Variants in FAM171A1 observed in about 807,000 individuals in gnomAD.
FAM171A1 encodes the protein protein FAM171A1.
In FAM171A1, 23 loss-of-function variants were observed where a neutral mutation model predicts 74.9. The ratio of observed to expected loss-of-function variants is 0.31; its 90% CI spans 0.22 to 0.44. The LOEUF is 0.44. Among genes scored for constraint, FAM171A1 ranks in the 20% least tolerant of loss-of-function variants. The pLI is 1.00. For synonymous variants in FAM171A1, 527 were observed against 505.7 expected, an observed-to-expected ratio of 1.04 and a Z score of -0.57; for missense variants, 1,162 against 1,159.2, an observed-to-expected ratio of 1.00 and a Z score of -0.03.
intron 5 of FAM171A1, among the ~76,000 whole-genome samples, chr10:15,222,548 C>T (rs1245038929): frequency 2.0e-5 from 3 of 152,226 alleles, no homozygotes; most frequent in African/African-American, 7.2e-5. Flanking sequence ...TGTAGTTCAT[C>T]GTTGACCCAA....
intron 3 of FAM171A1, among the ~76,000 whole-genome samples, chr10:15,263,720 A>T (rs371404981): frequency 2.1e-5 from 3 of 140,462 alleles, no homozygotes; most frequent in Admixed American, 7.3e-5. Flanking sequence ...CTATCCTATC[A>T]ATCTATCTAT....
intron 5 of FAM171A1, among the ~76,000 whole-genome samples, chr10:15,232,886 G>T (rs2131734481): frequency 6.6e-6 from 1 of 152,346 alleles, no homozygotes; most frequent in East Asian, 1.9e-4. Context: ...TTCTGATAAA[G>T]ACGGGAGTCC....
chr10:15,214,576 G>A lies in FAM171A1; in HGVS notation c.1012C>T (p.His338Tyr), dbSNP rs371311375. ...GCAGGGAGCTGCAGTTTTCTGTGGTGCTGACGAGGTTTCAAGCACTTCCTC... is the reference window on the plus strand; with the variant it reads ...GCAGGGAGCTGCAGTTTTCTGTGGTACTGACGAGGTTTCAAGCACTTCCTC... ...CRRKCLKPRQ[H>Y]HRKLQLPAGL... is the part of the protein sequence containing the mutation. The change falls in exon 8 of 8, where the codon CAC (histidine) becomes TAC (tyrosine). Residue 338 changes from histidine to tyrosine, a missense_variant. His to Tyr is a moderately conservative substitution (Grantham distance 83, BLOSUM62 2). Transcript: ENST00000378116. The A allele has an allele frequency of 3.4e-5, 55 of 1,603,540 alleles. No individual in the cohort carries two copies. The highest frequency in any genetic ancestry group is 4.5e-5 in the Non-Finnish European group (53 of 1,174,190).
intron 3 of FAM171A1, among the ~76,000 whole-genome samples, chr10:15,266,205 C>T (rs1405356667): frequency 6.6e-6 from 1 of 152,184 alleles, no homozygotes; most frequent in African/African-American, 2.4e-5. Context: ...ACCATTCAGC[C>T]GCTATTCTCA....
intron 3 of FAM171A1, among the ~76,000 whole-genome samples, chr10:15,268,893 T>TC (rs2131789279): frequency 6.6e-6 from 1 of 152,112 alleles, no homozygotes; most frequent in South Asian, 2.1e-4. Context: ...AATACAAAAA[T>TC]CAGCCAGGTG....
chr10:15,365,079 A>C (rs1334530612), intron 1 of FAM171A1, among the ~76,000 whole-genome samples: 1 of 152,190 alleles, frequency 6.6e-6, no homozygotes, highest in Non-Finnish European at 1.5e-5. Context: ...GCATGGCCAG[A>C]GAGCACAATT....
At chr10:15,233,964 T>G (rs1238991810) in intron 5 of FAM171A1, among the ~76,000 whole-genome samples, 1 of 151,780 alleles carries the variant, frequency 6.6e-6, no homozygotes, top group Non-Finnish European at 1.5e-5. Context: ...TACTAGGTGC[T>G]TTACGTAAAT....
At chr10:15,312,466 C>T (rs1835370919) in intron 1 of FAM171A1, among the ~76,000 whole-genome samples, 1 of 151,162 alleles carries the variant, frequency 6.6e-6, no homozygotes, top group Non-Finnish European at 1.5e-5. Context: ...TGGTTAAAGC[C>T]AGTGGGGCAA....
At chr10:15,229,426 A>C (rs1305683581) in intron 5 of FAM171A1, among the ~76,000 whole-genome samples, 1 of 151,552 alleles carries the variant, frequency 6.6e-6, no homozygotes, top group African/African-American at 2.4e-5. Flanking sequence ...CATCGTCATC[A>C]CCACCATCAT....
intron 1 of FAM171A1, among the ~76,000 whole-genome samples, chr10:15,304,544 G>A (rs575210270): frequency 2.6e-5 from 4 of 152,156 alleles, no homozygotes; most frequent in East Asian, 3.9e-4. Context: ...TGCTGCGGCC[G>A]CATACCCTGC....
intron 5 of FAM171A1, among the ~76,000 whole-genome samples, chr10:15,243,274 C>T (rs1486749022): frequency 2.0e-5 from 3 of 152,152 alleles, no homozygotes; most frequent in Non-Finnish European, 4.4e-5. Context: ...GCATCCTGCT[C>T]ATAAGGGCCC....
At chr10:15,219,485 T>G (rs562944670) in intron 6 of FAM171A1, among the ~76,000 whole-genome samples, 109 of 152,358 alleles carry the variant, frequency 7.2e-4, no homozygotes, top group African/African-American at 2.5e-3. Context: ...TCTTCAGTCA[T>G]AATCTAGGTA....
At chr10:15,351,180 T>A (rs1292366799) in intron 1 of FAM171A1, among the ~76,000 whole-genome samples, 3 of 152,222 alleles carry the variant, frequency 2.0e-5, no homozygotes, top group African/African-American at 4.8e-5. Context: ...TTTGCTCAGA[T>A]CAGAAGAATG....
chr10:15,297,972 C>A (rs540884329), intron 1 of FAM171A1, among the ~76,000 whole-genome samples: 2 of 152,284 alleles, frequency 1.3e-5, no homozygotes, highest in Admixed American at 6.5e-5. Context: ...GCTGGACTTA[C>A]CTGCTCCAAC....
At chr10:15,338,487 A>T (rs904669293) in intron 1 of FAM171A1, among the ~76,000 whole-genome samples, 5 of 152,176 alleles carry the variant, frequency 3.3e-5, no homozygotes, top group Non-Finnish European at 5.9e-5. Context: ...CCTGTATTTT[A>T]CTTAATGCTG....
chr10:15,374,535 C>T (rs1836181773), upstream of FAM171A1, among the ~76,000 whole-genome samples: 1 of 152,212 alleles, frequency 6.6e-6, no homozygotes, highest in Admixed American at 6.5e-5. Flanking sequence ...TCATGATCAT[C>T]AGACACCCAC....
chr10:15,282,636 C>T (rs1214883141), intron 2 of FAM171A1, among the ~76,000 whole-genome samples: 1 of 152,178 alleles, frequency 6.6e-6, no homozygotes, highest in African/African-American at 2.4e-5. Context: ...GCAGAGACAG[C>T]CTAAACGTCC....
chr10:15,257,643 G>T (rs1834597750), intron 3 of FAM171A1, among the ~76,000 whole-genome samples: 1 of 152,068 alleles, frequency 6.6e-6, no homozygotes, highest in Non-Finnish European at 1.5e-5. Flanking sequence ...TCATGGAAAG[G>T]ATATGGCCGG....
At chr10:15,360,286 A>G (rs529131516) in intron 1 of FAM171A1, among the ~76,000 whole-genome samples, 4 of 152,290 alleles carry the variant, frequency 2.6e-5, no homozygotes, top group African/African-American at 4.8e-5. Context: ...TGACTGAACC[A>G]TGCTGTCTAT....
Sources: allele counts gnomAD v4.1 joint callset (sites outside exome capture counted in the v4.1 genomes callset), GRCh38; gene constraint gnomAD v4.1.1; transcripts MANE v1.5; gene names NCBI Gene and HGNC (gene_info 2026-07-23, HGNC 2026-07-21).